Variants in ANO5 observed in about 807,000 individuals in gnomAD.
The protein encoded by ANO5 is anoctamin 5, also known as anoctamin-5.
ANO5 carries 109 observed loss-of-function variants against 121.0 expected under a neutral mutation model. The ratio of observed to expected loss-of-function variants is 0.90; its 90% CI spans 0.77 to 1.06. ANO5 has a LOEUF of 1.06. ANO5 is among the 50% of genes least tolerant of loss of function. ANO5 has a pLI of 0.00. For missense variants in ANO5, 1,064 were observed against 1,078.5 expected, an observed-to-expected ratio of 0.99 and a Z score of 0.19; for synonymous variants, 406 against 359.9, an observed-to-expected ratio of 1.13 and a Z score of -1.45.
intron 9 of ANO5, among the ~76,000 whole-genome samples, chr11:22,246,944 CTT>C (rs1184186534): frequency 1.3e-5 from 2 of 148,706 alleles, no homozygotes; most frequent in African/African-American, 4.9e-5. Context: ...TTTAATGAGA[CTT>C]TATTAAGCAT....
At position 22,212,750 on chromosome 11, in the gene ANO5, G is replaced by A. The variant is rs534839165; in HGVS notation, c.138+1436G>A. ...TGAGATATTCATCTTTTTCTACATT[G>A]AGTGGTCATTTAAATTTATTTTGCT... On this transcript the variant is annotated intron_variant, in intron 3 of 21. Transcript: ENST00000324559. 9.3e-5 allele frequency among the ~76,000 whole-genome samples: 14 copies of A among 150,946 alleles called. No homozygotes were observed. In the East Asian group the frequency reaches 2.5e-3, roughly 27 times the overall value.
chr11:22,205,409 C>T lies in ANO5; in HGVS notation c.87+1559C>T, dbSNP rs1852087121. The stretch of plus-strand genomic sequence containing the variant: ...GCTGAGAGAAACAGAATATGAGAAC[C>T]AGAGGGAACTATGAAGATCATATAG... On this transcript the variant is annotated intron_variant, in intron 2 of 21. Coordinates refer to ENST00000324559, the MANE Select transcript of ANO5 (RefSeq NM_213599.3). Among the ~76,000 whole-genome samples the T allele has an allele frequency of 2.0e-5, 3 of 151,810 alleles. 1 individual carries two copies. In the South Asian group the frequency reaches 6.2e-4, roughly 32 times the overall value.
At chr11:22,218,069 TTTC>T (rs1002276164) in intron 3 of ANO5, among the ~76,000 whole-genome samples, 174 bp from the exon 4 acceptor site, 175 of 74,332 alleles carry the variant, frequency 2.4e-3, no homozygotes, top group African/African-American at 5.1e-3. Flanking sequence ...TCTTCCCATT[TTTC>T]TTCTTTTTTT....
chr11:22,221,282 T>A, intron 5 of ANO5, 72 bp downstream of exon 5: 2 of 1,266,206 alleles, frequency 1.6e-6, no homozygotes, highest in Non-Finnish European at 2.3e-6. Flanking sequence ...GATATCTGGA[T>A]TGAATTATGT....
chr11:22,259,762 G>T lies in ANO5; in HGVS notation c.1630+21G>T, dbSNP rs528607646. The T allele has an allele frequency of 2.5e-6, 4 of 1,576,620 alleles. No individual in the cohort carries two copies. In the East Asian group the frequency reaches 9.0e-5, roughly 35 times the overall value. ...AATGGGTAAGCTGGCCAAATCATTTGTGTGATTCTGAAGAATGATTCTTAT... is the reference window on the plus strand; with the variant it reads ...AATGGGTAAGCTGGCCAAATCATTTTTGTGATTCTGAAGAATGATTCTTAT... On this transcript the variant is annotated intron_variant, in intron 15 of 21. Transcript: ENST00000324559.
At chr11:22,226,616 C>T (rs7939916) in intron 6 of ANO5, among the ~76,000 whole-genome samples, 20,604 of 152,008 alleles carry the variant, frequency 0.14, 4,029 homozygotes, top group African/African-American at 0.43. Context: ...GTCCAGCTAC[C>T]TGAGAGGCCA....
chr11:22,262,897 C>G (rs1466151164), intron 16 of ANO5, 49 bp from the exon 17 acceptor site: 9 of 1,432,936 alleles, frequency 6.3e-6, no homozygotes, highest in Non-Finnish European at 8.9e-6. Context: ...TTGCAAAATT[C>G]CATCTTTGAT....
At position 22,236,160 on chromosome 11, in the gene ANO5, T is replaced by C. The variant is rs1299997195; in HGVS notation, c.649-3T>C. 2 of 1,591,616 alleles carry C rather than the reference T, an allele frequency of 1.3e-6. No homozygotes were observed. Among genetic ancestry groups the C allele is most frequent in the South Asian group, 2.2e-5 (2 of 90,594 alleles). On this transcript the variant is annotated splice_polypyrimidine_tract_variant and splice_region_variant and intron_variant, in intron 7 of 21. Coordinates refer to ENST00000324559, the MANE Select transcript of ANO5 (RefSeq NM_213599.3). ...ATAGTGTCTCTTTGCACTTACCTTG[T>C]AGGTGTACTATATTCTCTCAAGATG...
upstream of ANO5, chr11:22,192,935 G>A (rs1303591312): frequency 3.1e-6 from 3 of 973,250 alleles, no homozygotes; most frequent in Admixed American, 6.2e-5. Context: ...AGAGGAGGGG[G>A]CCAGCGTGGA....
At chr11:22,244,165 C>G (rs1311101467) in intron 9 of ANO5, among the ~76,000 whole-genome samples, 1 of 152,016 alleles carries the variant, frequency 6.6e-6, no homozygotes, top group Non-Finnish European at 1.5e-5. Flanking sequence ...ACTTATGAAG[C>G]TTAGTTTGAT....
chr11:22,266,052 A>G (rs145016996), intron 17 of ANO5, among the ~76,000 whole-genome samples: 114 of 152,352 alleles, frequency 7.5e-4, no homozygotes, highest in Admixed American at 1.7e-3. Flanking sequence ...GACATCGCAT[A>G]TGCAAAATAA....
intron 6 of ANO5, among the ~76,000 whole-genome samples, chr11:22,227,049 T>C (rs1477024428): frequency 3.9e-5 from 6 of 152,134 alleles, no homozygotes; most frequent in African/African-American, 1.4e-4. Flanking sequence ...AGTCTTTCTC[T>C]GCATGTGTCT....
intron 1 of ANO5, among the ~76,000 whole-genome samples, chr11:22,193,887 C>G (rs1370032411): frequency 1.3e-5 from 2 of 152,182 alleles, no homozygotes; most frequent in African/African-American, 4.8e-5. Flanking sequence ...TCTCCGAACC[C>G]AGCCAATGGA....
At chr11:22,279,463 A>C in intron 21 of ANO5, 81 bp from the exon 22 acceptor site, 1 of 1,200,586 alleles carries the variant, frequency 8.3e-7, no homozygotes. Flanking sequence ...TTCTTAAATA[A>C]GTGAAATGAT....
intron 17 of ANO5, 65 bp from the exon 18 acceptor site, chr11:22,270,247 T>A (rs983021167): frequency 1.3e-6 from 2 of 1,585,598 alleles, no homozygotes; most frequent in Non-Finnish European, 1.7e-6. Flanking sequence ...GATCTAACAC[T>A]CTGATTCTCT....
At chr11:22,243,339 T>C (rs562662332) in intron 9 of ANO5, among the ~76,000 whole-genome samples, 7 of 152,034 alleles carry the variant, frequency 4.6e-5, no homozygotes, top group African/African-American at 1.7e-4. Flanking sequence ...ACAACTTTTG[T>C]GTCTGTATTC....
intron 9 of ANO5, among the ~76,000 whole-genome samples, chr11:22,239,994 A>AT (rs1372390122): frequency 2.0e-5 from 3 of 152,150 alleles, no homozygotes; most frequent in Admixed American, 2.0e-4. Flanking sequence ...GAAAATAGAT[A>AT]TAACAATATT....
chr11:22,250,621 G>T (rs1853780922), intron 10 of ANO5, 120 bp from the exon 11 acceptor site: 2 of 1,120,184 alleles, frequency 1.8e-6, no homozygotes, highest in Non-Finnish European at 1.3e-6. Context: ...AGAAATTGCT[G>T]CTTGATTGCC....
intron 9 of ANO5, among the ~76,000 whole-genome samples, chr11:22,246,870 A>AG (rs1853642300): frequency 3.3e-5 from 5 of 150,208 alleles, no homozygotes; most frequent in Non-Finnish European, 7.4e-5. Flanking sequence ...AAAAAAAAAA[A>AG]AAAAAAAAAG....
Sources: gnomAD v4.1 joint callset for allele counts (sites outside exome capture counted in the v4.1 genomes callset) on GRCh38, gnomAD v4.1.1 for gene constraint, MANE v1.5 for transcripts, NCBI Gene and HGNC (gene_info 2026-07-23, HGNC 2026-07-21) for gene names.